Variants in EXOC6 observed in about 807,000 individuals in gnomAD.
EXOC6 encodes exocyst complex component 6.
In EXOC6, 60 loss-of-function variants were observed where a neutral mutation model predicts 112.5. The observed-to-expected ratio is 0.53, with a 90% CI of 0.43 to 0.66. The LOEUF (loss-of-function observed/expected upper bound fraction) is 0.66, where lower values mean the gene tolerates loss of function less well. EXOC6 is among the 30% of genes least tolerant of loss of function. The pLI, the probability that EXOC6 is intolerant of heterozygous loss-of-function variation, is 0.00. For missense variants in EXOC6, 855 were observed against 957.1 expected, an observed-to-expected ratio of 0.89 and a Z score of 1.41; for synonymous variants, 295 against 308.0, an observed-to-expected ratio of 0.96 and a Z score of 0.44.
chr10:93,050,795 C>G (rs1482379844), intron 20 of EXOC6, among the ~76,000 whole-genome samples: 1 of 74,532 alleles, frequency 1.3e-5, no homozygotes, highest in Admixed American at 1.6e-4. Flanking sequence ...TTGCTTGAAT[C>G]CGGGAGGAGA....
chr10:92,902,836 A>G (rs1850250491), intron 5 of EXOC6, among the ~76,000 whole-genome samples: 1 of 152,138 alleles, frequency 6.6e-6, no homozygotes, highest in Admixed American at 6.5e-5. Context: ...GTGTGTTTTT[A>G]GAATTGATAT....
intron 1 of EXOC6, among the ~76,000 whole-genome samples, chr10:92,829,341 G>T (rs913335239): frequency 1.3e-5 from 2 of 152,194 alleles, no homozygotes; most frequent in African/African-American, 4.8e-5. Context: ...CCACAGGCTG[G>T]AAGTCCCATT....
chr10:92,928,261 CTT>C, intron 8 of EXOC6, 76 bp from the exon 9 acceptor site: 1 of 703,248 alleles, frequency 1.4e-6, no homozygotes, highest in Non-Finnish European at 2.4e-6. Context: ...TAAAGTGACT[CTT>C]GGGGTAAAGA....
At chr10:93,008,469 TG>T (rs1471101496) in intron 19 of EXOC6, among the ~76,000 whole-genome samples, 2 of 152,166 alleles carry the variant, frequency 1.3e-5, no homozygotes, top group African/African-American at 4.8e-5. Context: ...TGGGCATTAT[TG>T]TTTTTAAAAT....
intron 12 of EXOC6, among the ~76,000 whole-genome samples, chr10:92,939,732 T>C (rs1040759748): frequency 6.6e-6 from 1 of 152,070 alleles, no homozygotes; most frequent in African/African-American, 2.4e-5. Context: ...AGATAGAAGT[T>C]ACACAAGGAA....
At chr10:92,874,291 T>TATC (rs1463885503) in intron 1 of EXOC6, among the ~76,000 whole-genome samples, 1 of 152,052 alleles carries the variant, frequency 6.6e-6, no homozygotes, top group Non-Finnish European at 1.5e-5. Context: ...TTATATGGCA[T>TATC]ATCATCATCA....
At chr10:92,890,496 C>T (rs1219471536) in intron 1 of EXOC6, among the ~76,000 whole-genome samples, 2 of 152,082 alleles carry the variant, frequency 1.3e-5, no homozygotes, top group East Asian at 3.8e-4. Context: ...CAGTCAAAAA[C>T]TATGTCCTCA....
intron 20 of EXOC6, among the ~76,000 whole-genome samples, chr10:93,030,072 C>T (rs952704479): frequency 6.6e-6 from 1 of 152,180 alleles, no homozygotes; most frequent in African/African-American, 2.4e-5. Context: ...CCACGCCCGG[C>T]TAATTTTGTA....
At chr10:92,989,454 C>T (rs1478892654) in intron 18 of EXOC6, among the ~76,000 whole-genome samples, 3 of 152,156 alleles carry the variant, frequency 2.0e-5, no homozygotes, top group African/African-American at 7.2e-5. Flanking sequence ...ATACTTTACT[C>T]ATTTCTTGCA....
chr10:92,888,621 A>G (rs917026815), intron 1 of EXOC6, among the ~76,000 whole-genome samples: 2 of 152,210 alleles, frequency 1.3e-5, no homozygotes, highest in Non-Finnish European at 2.9e-5. Context: ...AATATAAAAA[A>G]TTCTTTTGGT....
intron 20 of EXOC6, among the ~76,000 whole-genome samples, chr10:93,034,167 A>T (rs1275407105): frequency 6.6e-6 from 1 of 152,222 alleles, no homozygotes; most frequent in Admixed American, 6.5e-5. Flanking sequence ...TGCTAAAGTT[A>T]GGAATTATGT....
chr10:92,876,308 T>C (rs1255153681), intron 1 of EXOC6, among the ~76,000 whole-genome samples: 1 of 152,160 alleles, frequency 6.6e-6, no homozygotes, highest in East Asian at 1.9e-4. Flanking sequence ...CTATTGAACA[T>C]TGCCAATGTT....
chr10:92,872,014 A>G (rs1025932098), intron 1 of EXOC6, among the ~76,000 whole-genome samples: 1 of 151,518 alleles, frequency 6.6e-6, no homozygotes, highest in African/African-American at 2.4e-5. Flanking sequence ...GTAGTTCCAT[A>G]CATTTTCTGT....
At chr10:92,874,318 C>G (rs1180967893) in intron 1 of EXOC6, among the ~76,000 whole-genome samples, 1 of 152,038 alleles carries the variant, frequency 6.6e-6, no homozygotes, top group Non-Finnish European at 1.5e-5. Context: ...GCCTGGTGAC[C>G]TCTTTGACAT....
intron 5 of EXOC6, among the ~76,000 whole-genome samples, chr10:92,904,116 G>A (rs11187212): frequency 0.49 from 73,762 of 151,800 alleles, 19,280 homozygotes; most frequent in African/African-American, 0.68. Flanking sequence ...AGGTTCCTCT[G>A]TGTCCTTTTG....
In EXOC6 at chr10:92,896,127, G is replaced by A. The variant is rs370138300; in HGVS notation, c.412+1107G>A. Among the ~76,000 whole-genome samples, 22 of 29,224 alleles carry A rather than the reference G, an allele frequency of 7.5e-4. 1 individual carries two copies. Among genetic ancestry groups the A allele is most frequent in the Admixed American group, 1.1e-3 (2 of 1,840 alleles). The allele number at this position is 29,224 out of a possible 152,430, so 19.2% of individuals were successfully genotyped here. On this transcript the variant is annotated intron_variant, in intron 4 of 21. Transcript: ENST00000260762. ...TATATATGTGTATATATATGTGTGT[G>A]TGTGTGTGTGTATGTATGTGTATAT... is the stretch of plus-strand genomic sequence containing the variant.
At chr10:92,859,616 G>A (rs1349622717) in intron 1 of EXOC6, among the ~76,000 whole-genome samples, 1 of 152,188 alleles carries the variant, frequency 6.6e-6, no homozygotes, top group Non-Finnish European at 1.5e-5. Flanking sequence ...AAGGAAAATA[G>A]GATAGGCAGA....
intron 18 of EXOC6, among the ~76,000 whole-genome samples, chr10:92,981,721 C>A (rs997305690): frequency 2.6e-5 from 4 of 152,068 alleles, no homozygotes; most frequent in Non-Finnish European, 5.9e-5. Flanking sequence ...TTTTAAATAT[C>A]AAAAAATTTA....
intron 9 of EXOC6, among the ~76,000 whole-genome samples, chr10:92,933,480 A>G (rs1852172706): frequency 6.6e-6 from 1 of 152,202 alleles, no homozygotes; most frequent in Non-Finnish European, 1.5e-5. Flanking sequence ...TTCCAATCAC[A>G]GTATTTCTAA....
Sources: allele counts gnomAD v4.1 joint callset (sites outside exome capture counted in the v4.1 genomes callset), GRCh38; gene constraint gnomAD v4.1.1; transcripts MANE v1.5; gene names NCBI Gene and HGNC (gene_info 2026-07-23, HGNC 2026-07-21).